The following AGBL1 variants were observed in gnomAD, a reference collection of about 807,000 sequenced individuals.
The protein encoded by AGBL1 is AGBL carboxypeptidase 1, also known as cytosolic carboxypeptidase 4.
AGBL1 carries 130 observed loss-of-function variants against 118.9 expected under a neutral mutation model. The observed-to-expected ratio is 1.09, with a 90% CI of 0.95 to 1.26. The LOEUF is 1.26. Ranked by LOEUF, AGBL1 falls within the 50% of genes most tolerant of loss-of-function variation. The pLI is 0.00. For synonymous variants in AGBL1, 555 were observed against 478.9 expected (o/e 1.16, Z -2.08); for missense variants, 1,584 against 1,298.1 (o/e 1.22, Z -3.38).
intron 22 of AGBL1, among the ~76,000 whole-genome samples, chr15:86,860,100 A>G (rs12440042): frequency 0.13 from 20,230 of 152,084 alleles, 2,228 homozygotes; most frequent in East Asian, 0.32. Flanking sequence ...TCAAAGCCCT[A>G]CGAACCTAAC....
intron 23 of AGBL1, among the ~76,000 whole-genome samples, chr15:86,934,824 A>G (rs2080647417): frequency 6.6e-6 from 1 of 152,084 alleles, no homozygotes; most frequent in Non-Finnish European, 1.5e-5. Flanking sequence ...CCCTTTTTCC[A>G]TGGGCTGCCA....
At chr15:86,378,780 C>T (rs527951952) in intron 17 of AGBL1, among the ~76,000 whole-genome samples, 11 of 151,976 alleles carry the variant, frequency 7.2e-5, no homozygotes, top group East Asian at 1.9e-4. Flanking sequence ...AGTGGCAGGG[C>T]GAGGGTTCAG....
intron 5 of AGBL1, among the ~76,000 whole-genome samples, chr15:86,211,648 G>C (rs897869302): frequency 6.6e-6 from 1 of 152,230 alleles, no homozygotes; most frequent in African/African-American, 2.4e-5. Context: ...TGCCGAGCCA[G>C]GCATGGGATA....
Position 86,214,314 on chromosome 15 carries a change from A to T in AGBL1, c.489-10600A>T, listed in dbSNP as rs146171196. Among the ~76,000 whole-genome samples the T allele has an allele frequency of 4.1e-3, 622 of 152,346 alleles. 6 individuals are homozygous for T. Among genetic ancestry groups the T allele is most frequent in the South Asian group, 9.5e-3 (46 of 4,828 alleles). On this transcript the variant is annotated intron_variant, in intron 5 of 22. Coordinates refer to ENST00000614907, the MANE Select transcript of AGBL1 (RefSeq NM_001386094.1). ...CAAGAGTGGATTATATCATAGGTACATTTGACTTATAAGAGTTCAACTAAG... is the reference window on the plus strand; with the variant it reads ...CAAGAGTGGATTATATCATAGGTACTTTTGACTTATAAGAGTTCAACTAAG...
intron 22 of AGBL1, among the ~76,000 whole-genome samples, chr15:86,877,022 A>G (rs772851017): frequency 2.0e-4 from 31 of 152,324 alleles, no homozygotes; most frequent in Non-Finnish European, 3.5e-4. Context: ...AAAAGCATTC[A>G]GAGATCAATT....
intron 17 of AGBL1, among the ~76,000 whole-genome samples, chr15:86,367,021 C>G (rs908187712): frequency 6.6e-6 from 1 of 152,132 alleles, no homozygotes; most frequent in Non-Finnish European, 1.5e-5. Flanking sequence ...TTCACCAAAT[C>G]TGAGATAATG....
rs115015274 is a variant in AGBL1 at position 86,471,998 on chromosome 15, G to A, written c.2556-50812G>A. On this transcript the variant is annotated intron_variant, in intron 18 of 22. Coordinates refer to ENST00000614907, the MANE Select transcript of AGBL1 (RefSeq NM_001386094.1). ...AGACACACAAGAGAGGACACACAAA[G>A]AAGAAGGTCATGTGAAGACAGAACC... 1.4e-3 allele frequency among the ~76,000 whole-genome samples: 209 copies of A among 152,248 alleles called. 1 individual carries two copies. The highest frequency in any genetic ancestry group is 4.8e-3 in the African/African-American group (201 of 41,552).
At chr15:86,248,316 C>T (rs1411288732) in intron 7 of AGBL1, among the ~76,000 whole-genome samples, 2 of 152,128 alleles carry the variant, frequency 1.3e-5, no homozygotes, top group Non-Finnish European at 2.9e-5. Flanking sequence ...GACCCTGTCT[C>T]AAAACAACAG....
At chr15:86,213,927 C>T (rs899247451) in intron 5 of AGBL1, among the ~76,000 whole-genome samples, 2 of 152,174 alleles carry the variant, frequency 1.3e-5, no homozygotes, top group Admixed American at 1.3e-4. Flanking sequence ...CACTCCCCTT[C>T]CCCTCAACCC....
intron 4 of AGBL1, among the ~76,000 whole-genome samples, chr15:86,154,857 A>T (rs560095272): frequency 6.6e-6 from 1 of 150,950 alleles, no homozygotes; most frequent in East Asian, 1.9e-4. Context: ...TCGTACTACA[A>T]GGTAAAAAAA....
At chr15:86,197,530 C>T (rs2077833467) in intron 5 of AGBL1, among the ~76,000 whole-genome samples, 1 of 152,150 alleles carries the variant, frequency 6.6e-6, no homozygotes, top group African/African-American at 2.4e-5. Context: ...TGGATAATTA[C>T]CTGAGGCGAT....
Position 86,659,064 on chromosome 15 carries a change from G to A in AGBL1, c.2995-15209G>A, listed in dbSNP as rs574525053. On this transcript the variant is annotated intron_variant, in intron 21 of 22. Coordinates refer to ENST00000614907, the MANE Select transcript of AGBL1 (RefSeq NM_001386094.1). ...AGCCATGATCTTTTAATTAAGAAAA[G>A]TTCCTGTCTCATTTATTTCCTATTT... Among the ~76,000 whole-genome samples the A allele has an allele frequency of 4.1e-4, 63 of 152,208 alleles. No homozygotes were observed. The South Asian group carries it at 6.0e-3, about 15-fold the overall frequency.
At position 86,450,732 on chromosome 15, in the gene AGBL1, T is replaced by A. The variant is rs139616747; in HGVS notation, c.2555+53186T>A. Among the ~76,000 whole-genome samples, 155 of 152,342 alleles carry A rather than the reference T, an allele frequency of 1.0e-3. 1 individual carries two copies. The highest frequency in any genetic ancestry group is 3.5e-3 in the African/African-American group (145 of 41,582). ...GGCTAATTCACTTCTTTGAGCCTCA[T>A]CTATAAAATGCAGACAACACCCATA... On this transcript the variant is annotated intron_variant, in intron 18 of 22. Transcript: ENST00000614907.
At chr15:86,428,252 C>T (rs773253409) in intron 18 of AGBL1, among the ~76,000 whole-genome samples, 5 of 152,180 alleles carry the variant, frequency 3.3e-5, no homozygotes, top group Non-Finnish European at 7.3e-5. Context: ...GGTAGAAAGA[C>T]TGCTAAACAG....
chr15:86,082,955 C>T (rs1180488736), intron 1 of AGBL1, among the ~76,000 whole-genome samples: 1 of 152,216 alleles, frequency 6.6e-6, no homozygotes, highest in Non-Finnish European at 1.5e-5. Context: ...CCCTCGACCT[C>T]TCTGAGCCTC....
intron 22 of AGBL1, among the ~76,000 whole-genome samples, chr15:86,895,084 T>TTATCTTCCCTCCTTCCCTTTCTTTTATC (rs2080104678): frequency 2.6e-5 from 4 of 152,144 alleles, no homozygotes; most frequent in Admixed American, 2.0e-4. Context: ...TCCCTTTCTT[T>TTATCTTCCCTCCTTCCCTTTCTTTTATC]TATCTTCCCT....
chr15:86,454,642 A>G (rs1222455146), intron 18 of AGBL1, among the ~76,000 whole-genome samples: 1 of 152,216 alleles, frequency 6.6e-6, no homozygotes, highest in African/African-American at 2.4e-5. Flanking sequence ...TAAACCAAAC[A>G]TAAAAAGAGT....
rs1597368126 is a variant in AGBL1 at position 86,079,989 on chromosome 15, C to T, written c.17C>T (p.Ala6Val). The change falls in exon 1 of 23, where the codon GCT (alanine) becomes GTT (valine). Residue 6 changes from alanine (A) to valine (V), a missense_variant. By Grantham distance (64) the Ala-to-Val change is moderately conservative. Coordinates refer to ENST00000614907, the MANE Select transcript of AGBL1 (RefSeq NM_001386094.1). MAEQE[A>V]SGLQVLLHTL... ...GAGAAAAGGATGGCCGAACAAGAAG[C>T]TAGTGGGCTACAGGTCCTGCTGCAC... 7.3e-6 allele frequency: 9 copies of T among 1,232,068 alleles called. No homozygotes were observed. Among genetic ancestry groups the T allele is most frequent in the Non-Finnish European group, 9.1e-6 (9 of 988,014 alleles). The allele number at this position is 1,232,068 out of a possible 1,614,324, so 76.3% of individuals were successfully genotyped here. A position where few individuals can be genotyped will look rare whatever the true frequency, so the allele number is the denominator to read the frequency against.
intron 22 of AGBL1, among the ~76,000 whole-genome samples, chr15:86,828,019 A>ATG: frequency 7.5e-6 from 1 of 133,060 alleles, no homozygotes; most frequent in East Asian, 2.4e-4. Context: ...TAGTCACTGC[A>ATG]ACCTTAAACT....
Sources: gnomAD v4.1 joint callset for allele counts (sites outside exome capture counted in the v4.1 genomes callset) on GRCh38, gnomAD v4.1.1 for gene constraint, MANE v1.5 for transcripts, NCBI Gene and HGNC (gene_info 2026-07-23, HGNC 2026-07-21) for gene names.